MTMR2: variants seen among roughly 807,000 people sequenced by gnomAD.
MTMR2 encodes myotubularin related protein 2.
In MTMR2, 55 loss-of-function variants were observed where a neutral mutation model predicts 86.9. The ratio of observed to expected loss-of-function variants is 0.63; its 90% CI spans 0.51 to 0.79. The LOEUF (loss-of-function observed/expected upper bound fraction) is 0.79, where lower values mean the gene tolerates loss of function less well. Among genes scored for constraint, MTMR2 ranks in the 30% least tolerant of loss-of-function variants. MTMR2 has a pLI of 0.00. For missense variants in MTMR2, 659 were observed against 772.3 expected (o/e 0.85, Z 1.74); for synonymous variants, 241 against 266.8 (o/e 0.90, Z 0.94).
At chr11:95,847,162 C>T (rs950982665) in intron 10 of MTMR2, among the ~76,000 whole-genome samples, 3 of 152,138 alleles carry the variant, frequency 2.0e-5, no homozygotes, top group African/African-American at 7.2e-5. Flanking sequence ...GCTCATGCAA[C>T]CACTCCACCT....
rs116750638 is a variant in MTMR2, at chr11:95,835,367, A to C, written c.1855T>G (p.Ser619Ala). Residue 619 changes from serine to alanine, a missense_variant, in exon 15 of 15, where the codon TCT becomes GCT. Ser to Ala is a moderately conservative substitution (Grantham distance 99). Coordinates refer to ENST00000346299, the MANE Select transcript of MTMR2 (RefSeq NM_016156.6). ...KKVEELQREI[S>A]NRSTSSSERA... ...TCTGAGGATGAGGTTGATCGGTTAG[A>C]AATCTCTCTCTGTAGTTCCTCTACT... 2 of 1,613,028 alleles carry C rather than the reference A, an allele frequency of 1.2e-6. No homozygotes were observed. The highest frequency in any genetic ancestry group is 1.7e-6 in the Non-Finnish European group (2 of 1,179,376).
intron 2 of MTMR2, among the ~76,000 whole-genome samples, chr11:95,868,984 A>G (rs937011024): frequency 6.6e-6 from 1 of 151,904 alleles, no homozygotes; most frequent in Non-Finnish European, 1.5e-5. Flanking sequence ...AATATCTTAA[A>G]CTGTGATTCA....
At position 95,893,651 on chromosome 11, in the gene MTMR2, G is replaced by A. The variant is rs111818307; in HGVS notation, c.81-5390C>T. 4.7e-3 allele frequency among the ~76,000 whole-genome samples: 715 copies of A among 152,154 alleles called. 7 individuals are homozygous for A. Among genetic ancestry groups the A allele is most frequent in the African/African-American group, 0.016 (685 of 41,520 alleles). On this transcript the variant is annotated intron_variant, in intron 1 of 14. Coordinates refer to ENST00000346299, the MANE Select transcript of MTMR2 (RefSeq NM_016156.6). The stretch of plus-strand genomic sequence containing the variant: ...TTAGGACTTACGATTAGAAACATCA[G>A]CTAGGCCCAACACAGTGCTCAATGA...
chr11:95,871,303 G>T lies in MTMR2; in HGVS notation c.187-5627C>A, dbSNP rs553340788. ...GTATTTCTAGTTCTAGATCCCTGAG[G>T]AATCGCCACACTGACTTCCACAATG... On this transcript the variant is annotated intron_variant, in intron 2 of 14. Coordinates refer to ENST00000346299, the MANE Select transcript of MTMR2 (RefSeq NM_016156.6). Among the ~76,000 whole-genome samples the T allele has an allele frequency of 2.6e-5, 4 of 152,296 alleles. No homozygotes were observed. In the South Asian group the frequency reaches 8.3e-4, roughly 32 times the overall value.
intron 13 of MTMR2, among the ~76,000 whole-genome samples, chr11:95,836,968 CAA>C (rs1299360144): frequency 6.6e-6 from 1 of 151,928 alleles, no homozygotes. Context: ...TATACACTAT[CAA>C]AGTGAATTTC....
rs908891861 is a variant in MTMR2, at chr11:95,833,152, C to T, written c.*2138G>A. On this transcript the variant is annotated 3_prime_UTR_variant, in exon 15 of 15. Coordinates refer to ENST00000346299, the MANE Select transcript of MTMR2 (RefSeq NM_016156.6). Reference sequence around the variant, plus strand: ...AGTTGTTCCAGGTGCACAAGACAGACTGAACCAAAGTGGGGAGGCAGGAAT... The same window carrying T: ...AGTTGTTCCAGGTGCACAAGACAGATTGAACCAAAGTGGGGAGGCAGGAAT... The T allele has an allele frequency of 1.3e-5, 2 of 152,088 alleles. No homozygotes were observed. The highest frequency in any genetic ancestry group is 4.8e-5 in the African/African-American group (2 of 41,414). The allele number at this position is 152,088 out of a possible 1,614,324, so 9.4% of individuals were successfully genotyped here. A position where few individuals can be genotyped will look rare whatever the true frequency, so the allele number is the denominator to read the frequency against.
At chr11:95,858,249 A>G (rs1244332991) in intron 6 of MTMR2, among the ~76,000 whole-genome samples, 1 of 152,164 alleles carries the variant, frequency 6.6e-6, no homozygotes, top group African/African-American at 2.4e-5. Flanking sequence ...ATCCTAATGA[A>G]GACAACAGGT....
intron 11 of MTMR2, 23 bp downstream of exon 11, chr11:95,844,930 C>G: frequency 6.4e-7 from 1 of 1,566,396 alleles, no homozygotes; most frequent in Non-Finnish European, 8.8e-7. Context: ...GTGATATATC[C>G]AAAGTCAAGG....
At chr11:95,875,129 T>A (rs193003409) in intron 2 of MTMR2, among the ~76,000 whole-genome samples, 2 of 152,166 alleles carry the variant, frequency 1.3e-5, no homozygotes, top group African/African-American at 4.8e-5. Flanking sequence ...TTTCCTGAAT[T>A]TGAATGTTGG....
At chr11:95,888,401 T>A (rs1159439840) in intron 1 of MTMR2, 140 bp from the exon 2 acceptor site, 2 of 661,862 alleles carry the variant, frequency 3.0e-6, no homozygotes, top group African/African-American at 3.6e-5. Flanking sequence ...CAATCTTATC[T>A]CTAAGTCTTA....
intron 2 of MTMR2, among the ~76,000 whole-genome samples, chr11:95,884,528 T>C (rs1865448325): frequency 6.6e-6 from 1 of 152,190 alleles, no homozygotes; most frequent in Admixed American, 6.5e-5. Context: ...ATGATTTCAT[T>C]CACCCTTTCT....
At chr11:95,897,316 T>A (rs2135571131) in intron 1 of MTMR2, among the ~76,000 whole-genome samples, 1 of 152,216 alleles carries the variant, frequency 6.6e-6, no homozygotes, top group Non-Finnish European at 1.5e-5. Context: ...AAATTTTTTA[T>A]ACACACACGA....
In MTMR2 at chr11:95,833,477, G is replaced by A. The variant is rs1045958628; in HGVS notation, c.*1813C>T. The A allele has an allele frequency of 2.6e-5, 4 of 152,036 alleles. No individual in the cohort carries two copies. Among genetic ancestry groups the A allele is most frequent in the Admixed American group, 2.6e-4 (4 of 15,234 alleles). The allele number at this position is 152,036 out of a possible 1,614,324, so 9.4% of individuals were successfully genotyped here. A position where few individuals can be genotyped will look rare whatever the true frequency, so the allele number is the denominator to read the frequency against. ...CACACACCAGTGGTATATATTAAAT[G>A]CCCAAGTGCATGTACTCCATATTGG... On this transcript the variant is annotated 3_prime_UTR_variant, in exon 15 of 15. Coordinates refer to ENST00000346299, the MANE Select transcript of MTMR2 (RefSeq NM_016156.6).
At chr11:95,875,993 G>A (rs961155032) in intron 2 of MTMR2, among the ~76,000 whole-genome samples, 6 of 152,196 alleles carry the variant, frequency 3.9e-5, no homozygotes, top group Non-Finnish European at 8.8e-5. Context: ...GGCCATGTGA[G>A]GTGTCAGTCT....
intron 2 of MTMR2, among the ~76,000 whole-genome samples, chr11:95,878,363 T>C (rs567515271): frequency 5.5e-4 from 83 of 151,796 alleles, no homozygotes; most frequent in African/African-American, 2.0e-3. Flanking sequence ...ACAGTAACAA[T>C]GAATATATGC....
In MTMR2 at chr11:95,836,281, C is replaced by T. The variant is rs376530848; in HGVS notation, c.1637G>A (p.Ser546Asn). ...RTVSLWSYIN[S>N]QLEDFTNPLY... The stretch of plus-strand genomic sequence containing the variant: ...AGGATTAGTGAAGTCTTCCAGCTGG[C>T]TGTTTATGTAAGACCACAGTGACAC... Residue 546 changes from serine (S) to asparagine (N), a missense_variant, in exon 14 of 15, where the codon AGC (serine) becomes AAC (asparagine). Around this residue, in one of 3 missense-constraint regions of MTMR2, gnomAD observed 193 missense variants for 191.6 expected, o/e 1.01. Coordinates refer to ENST00000346299, the MANE Select transcript of MTMR2 (RefSeq NM_016156.6). 4.3e-6 allele frequency: 7 copies of T among 1,612,818 alleles called. No homozygotes were observed. In the East Asian group the frequency reaches 6.7e-5, roughly 15 times the overall value.
At chr11:95,886,935 A>G (rs1032827491) in intron 2 of MTMR2, among the ~76,000 whole-genome samples, 10 of 152,174 alleles carry the variant, frequency 6.6e-5, no homozygotes, top group African/African-American at 1.9e-4. Flanking sequence ...TGCCCTTTGT[A>G]TGCTTCAAGA....
chr11:95,921,886 TCATATA>T (rs2135650894), intron 1 of MTMR2, among the ~76,000 whole-genome samples: 1 of 152,334 alleles, frequency 6.6e-6, no homozygotes, highest in African/African-American at 2.4e-5. Context: ...ATAGAGAAGT[TCATATA>T]CATATATAAT....
At chr11:95,835,763 G>C (rs1163538445) in intron 14 of MTMR2, among the ~76,000 whole-genome samples, 1 of 152,014 alleles carries the variant, frequency 6.6e-6, no homozygotes, top group African/African-American at 2.4e-5. Context: ...GTTATTTATA[G>C]GTTTTTAGTC....
Sources: gnomAD v4.1 joint callset for allele counts (sites outside exome capture counted in the v4.1 genomes callset) on GRCh38, gnomAD v4.1.1 for gene constraint, gnomAD v4.1.1 regional missense constraint, MANE v1.5 for transcripts, NCBI Gene and HGNC (gene_info 2026-07-23, HGNC 2026-07-21) for gene names.